Variants in MYH1 observed in about 807,000 individuals in gnomAD.
MYH1 encodes the protein myosin heavy chain 1.
Under a neutral mutation model 225.6 loss-of-function variants are expected in MYH1, and 214 were observed. That is an observed-to-expected ratio of 0.95 (90% confidence interval 0.85 to 1.06). The LOEUF is 1.06. Among genes scored for constraint, MYH1 ranks in the 50% least tolerant of loss-of-function variants. The pLI is 0.00. For synonymous variants in MYH1, 774 were observed against 842.3 expected (o/e 0.92, Z 1.40); for missense variants, 2,098 against 2,344.2 (o/e 0.89, Z 2.17).
At chr17:10,503,331 AG>A in intron 22 of MYH1, 83 bp from the exon 23 acceptor site, 1 of 1,552,062 alleles carries the variant, frequency 6.4e-7, no homozygotes, top group Non-Finnish European at 8.7e-7. Context: ...AAACCAAACA[AG>A]TAAATTGTTT....
chr17:10,502,197 A>G (rs1292502400), intron 24 of MYH1, among the ~76,000 whole-genome samples: 1 of 152,232 alleles, frequency 6.6e-6, no homozygotes, highest in Non-Finnish European at 1.5e-5. Context: ...GATGGACACC[A>G]TGCTAATACT....
At chr17:10,518,358 T>A (rs2142284714) in intron 1 of MYH1, 88 bp from the exon 2 acceptor site, 1 of 152,326 alleles carries the variant, frequency 6.6e-6, no homozygotes, top group East Asian at 1.9e-4. Flanking sequence ...AGGAAATGAC[T>A]GGGAAGACTA....
intron 19 of MYH1, 24 bp from the exon 20 acceptor site, chr17:10,505,535 G>C: frequency 6.2e-7 from 1 of 1,609,810 alleles, no homozygotes; most frequent in Non-Finnish European, 8.5e-7. Context: ...ACAAAAAAAT[G>C]ATATGGCTGT....
In MYH1 at chr17:10,507,920, C is replaced by G; in HGVS notation, c.1934G>C (p.Gly645Ala). 1 of 1,613,866 alleles carries G rather than the reference C, an allele frequency of 6.2e-7. No homozygotes were observed. The highest frequency in any genetic ancestry group is 8.5e-7 in the Non-Finnish European group (1 of 1,179,854). Reference sequence around the variant, plus strand: ...AGCAGACACAGTCTGGAAAGAAGAACCCTTCTTCTTACCACCTTTCTTTCC... The same window carrying G: ...AGCAGACACAGTCTGGAAAGAAGAAGCCTTCTTCTTACCACCTTTCTTTCC... Reference protein sequence around the residue: ...GGGKKGGKKKGSSFQTVSALF... With the variant: ...GGGKKGGKKKASSFQTVSALF... Residue 645 changes from glycine (G) to alanine (A), a missense_variant, in exon 17 of 40, where the codon GGT becomes GCT. Physicochemically the swap from Gly to Ala is moderately conservative, Grantham distance 60 (BLOSUM62 0). Coordinates refer to ENST00000226207, the MANE Select transcript of MYH1 (RefSeq NM_005963.4).
chr17:10,495,969 A>C lies in MYH1; in HGVS notation c.5150T>G (p.Val1717Gly). ...EQELLDASERVQLLHTQNTSL... is the reference protein window; with the variant it reads ...EQELLDASERGQLLHTQNTSL... ...ATGCACCTGGGTGTGCAGGAGCTGA[A>C]CACGCTCACTGGCATCCAGGAGCTC... is the stretch of plus-strand genomic sequence containing the variant. The change falls in exon 35 of 40, where the codon GTT becomes GGT. Residue 1717 changes from valine (V) to glycine (G), a missense_variant. By Grantham distance (109) the Val-to-Gly change is moderately radical. Transcript: ENST00000226207. 6.2e-7 allele frequency: 1 copy of C among 1,614,060 alleles called. No homozygotes were observed.
chr17:10,506,643 C>T (rs2073115182), intron 17 of MYH1, among the ~76,000 whole-genome samples: 1 of 152,082 alleles, frequency 6.6e-6, no homozygotes, highest in Non-Finnish European at 1.5e-5. Flanking sequence ...CAGGCACATG[C>T]CACCACCCCC....
chr17:10,497,847 G>T lies in MYH1; in HGVS notation c.4252C>A (p.Leu1418Ile), dbSNP rs1435262667. ...VEAVNAKCAS[L>I]EKTKQRLQNE... ...TGGAGCCTCTGCTTCGTCTTCTCAA[G>T]GGAAGCACATTTGGCATTCACAGCT... The change falls in exon 31 of 40, where the codon CTT becomes ATT. Residue 1418 changes from leucine to isoleucine, a missense_variant. Physicochemically the swap from Leu to Ile is conservative, Grantham distance 5 (BLOSUM62 2). Coordinates refer to ENST00000226207, the MANE Select transcript of MYH1 (RefSeq NM_005963.4). The T allele has an allele frequency of 6.2e-7, 1 of 1,613,828 alleles. No individual in the cohort carries two copies. The highest frequency in any genetic ancestry group is 8.5e-7 in the Non-Finnish European group (1 of 1,179,990).
rs757317539 is a variant in MYH1 at position 10,500,744 on chromosome 17, A to G, written c.3747T>C (p.Leu1249=). The G allele has an allele frequency of 6.2e-7, 1 of 1,614,136 alleles. No individual in the cohort carries two copies. Among genetic ancestry groups the G allele is most frequent in the African/African-American group, 1.3e-5 (1 of 75,040 alleles). ...METVSKAKGN[L]EKMCRALEDQ... The stretch of plus-strand genomic sequence containing the variant: ...CTTCTAGAGCGCGGCACATCTTTTC[A>G]AGGTTTCCCTGCATTCAAAAAGTGG... Residue 1249 remains leucine, a synonymous_variant, in exon 28 of 40, where the codon CTT becomes CTC. Coordinates refer to ENST00000226207, the MANE Select transcript of MYH1 (RefSeq NM_005963.4).
At chr17:10,515,645 A>G (rs919666947) in intron 5 of MYH1, among the ~76,000 whole-genome samples, 4 of 152,200 alleles carry the variant, frequency 2.6e-5, no homozygotes, top group Non-Finnish European at 4.4e-5. Flanking sequence ...TTACTTAAAT[A>G]TATAAAATAA....
Position 10,500,616 on chromosome 17 carries a change from C to T in MYH1, c.3865+10G>A, listed in dbSNP as rs1597436766. The T allele has an allele frequency of 6.2e-7, 1 of 1,612,878 alleles. No homozygotes were observed. The highest frequency in any genetic ancestry group is 8.5e-7 in the Non-Finnish European group (1 of 1,179,976). On this transcript the variant is annotated intron_variant, in intron 28 of 39. Transcript: ENST00000226207. ...TTGTCATTCAAGGTCAGTACTGGTA[C>T]ATGGCCCACCTGATTCTGTTTGCAG... is the stretch of plus-strand genomic sequence containing the variant.
chr17:10,499,833 G>A (rs2073034044), intron 28 of MYH1, among the ~76,000 whole-genome samples: 1 of 152,112 alleles, frequency 6.6e-6, no homozygotes, highest in African/African-American at 2.4e-5. Flanking sequence ...AATACCAAAA[G>A]TGTAGAGTGA....
chr17:10,505,564 T>C (rs2073103395), intron 19 of MYH1, 53 bp from the exon 20 acceptor site: 1 of 1,597,246 alleles, frequency 6.3e-7, no homozygotes, highest in African/African-American at 1.3e-5. Context: ...ACAAGAAATC[T>C]TCCTGTCTGG....
In MYH1 at chr17:10,511,987, A is replaced by C. The variant is rs2142276702; in HGVS notation, c.1268T>G (p.Val423Gly). The change falls in exon 14 of 40, where the codon GTG becomes GGG. Residue 423 changes from valine to glycine, a missense_variant and splice_region_variant. Val to Gly is a moderately radical substitution (Grantham distance 109, BLOSUM62 -3). Coordinates refer to ENST00000226207, the MANE Select transcript of MYH1 (RefSeq NM_005963.4). ...YVTKGQTVQQVYNAVGALAKA... is the reference protein window; with the variant it reads ...YVTKGQTVQQGYNAVGALAKA... ...GGCCAGAGCACCCACTGCATTGTAC[A>C]CCTTCACAGATAAAGTTTGTTGGTG... is the stretch of plus-strand genomic sequence containing the variant. 1 of 1,614,168 alleles carries C rather than the reference A, an allele frequency of 6.2e-7. No homozygotes were observed. The highest frequency in any genetic ancestry group is 8.5e-7 in the Non-Finnish European group (1 of 1,180,022).
intron 38 of MYH1, 25 bp from the exon 39 acceptor site, chr17:10,494,474 G>T: frequency 1.2e-6 from 2 of 1,610,454 alleles, no homozygotes; most frequent in South Asian, 2.2e-5. Context: ...TCAAGAGTAA[G>T]TTTCTTGAAA....
Position 10,496,239 on chromosome 17 carries a change from A to G in MYH1, c.4965+2T>C. On this transcript the variant is annotated splice_donor_variant, in intron 34 of 39. Transcript: ENST00000226207. LOFTEE classifies it high-confidence loss of function. ...CTGGGATCATCTGTTGGACATATTT[A>G]CCTTGAGGATGGCTTGGGTGTTCCT... is the stretch of plus-strand genomic sequence containing the variant. 1 of 1,614,166 alleles carries G rather than the reference A, an allele frequency of 6.2e-7. No individual in the cohort carries two copies. The highest frequency in any genetic ancestry group is 8.5e-7 in the Non-Finnish European group (1 of 1,180,030).
chr17:10,510,515 G>A (rs2073160174), intron 14 of MYH1, among the ~76,000 whole-genome samples: 2 of 152,150 alleles, frequency 1.3e-5, no homozygotes, highest in South Asian at 4.1e-4. Context: ...CAGAGCCAGT[G>A]TTTGTAACTA....
Position 10,495,176 on chromosome 17 carries a change from G to T in MYH1, c.5295+16C>A, listed in dbSNP as rs756009054. 3.7e-6 allele frequency: 6 copies of T among 1,614,090 alleles called. No individual in the cohort carries two copies. Among genetic ancestry groups the T allele is most frequent in the Admixed American group, 1.7e-5 (1 of 60,010 alleles). Reference sequence around the variant, plus strand: ...AAGATTTAAGTTTGACCACCACTGTGTTACCCTTCACTCACATCAGTGATG... The same window carrying T: ...AAGATTTAAGTTTGACCACCACTGTTTTACCCTTCACTCACATCAGTGATG... On this transcript the variant is annotated intron_variant, in intron 36 of 39. Transcript: ENST00000226207.
At position 10,497,196 on chromosome 17, in the gene MYH1, G is replaced by T; in HGVS notation, c.4532-3C>A. The T allele has an allele frequency of 6.2e-7, 1 of 1,603,106 alleles. No homozygotes were observed. Among genetic ancestry groups the T allele is most frequent in the Non-Finnish European group, 8.5e-7 (1 of 1,177,286 alleles). ...TTCAGTGAGATCAGAAATCTCCTCT[G>T]TTGGTGAACAAAAAATATAGAAATT... On this transcript the variant is annotated splice_polypyrimidine_tract_variant and splice_region_variant and intron_variant, in intron 32 of 39. Coordinates refer to ENST00000226207, the MANE Select transcript of MYH1 (RefSeq NM_005963.4).
intron 39 of MYH1, 125 bp downstream of exon 39, chr17:10,494,229 A>G: frequency 1.1e-6 from 1 of 897,840 alleles, no homozygotes; most frequent in South Asian, 1.8e-5. Context: ...TCAGCCTTGG[A>G]CCTCCATGTA....
Sources: gnomAD v4.1 joint callset for allele counts (sites outside exome capture counted in the v4.1 genomes callset) on GRCh38, gnomAD v4.1.1 for gene constraint, MANE v1.5 for transcripts, NCBI Gene and HGNC (gene_info 2026-07-23, HGNC 2026-07-21) for gene names.